The following WNT3 variants were observed in gnomAD, a reference collection of about 807,000 sequenced individuals.
The protein encoded by WNT3 is proto-oncogene Wnt-3.
Under a neutral mutation model 34.2 loss-of-function variants are expected in WNT3, and 7 were observed. The ratio of observed to expected loss-of-function variants is 0.20; its 90% CI spans 0.12 to 0.38. WNT3 has a LOEUF of 0.38. Ranked by LOEUF, WNT3 falls within the 10% of genes least tolerant of loss-of-function variation. The pLI, the probability that WNT3 is intolerant of heterozygous loss-of-function variation, is 1.00. For synonymous variants in WNT3, 212 were observed against 211.5 expected, an observed-to-expected ratio of 1.00 and a Z score of -0.02; for missense variants, 267 against 499.8, an observed-to-expected ratio of 0.53 and a Z score of 4.44.
intron 2 of WNT3, among the ~76,000 whole-genome samples, chr17:46,771,896 C>T (rs1411420577): frequency 5.5e-5 from 8 of 145,664 alleles, no homozygotes; most frequent in Non-Finnish European, 1.2e-4. Context: ...CCGCCCCTGC[C>T]CCCGCCCCCG....
intron 1 of WNT3, among the ~76,000 whole-genome samples, chr17:46,808,021 C>A (rs1009204979): frequency 6.6e-6 from 1 of 152,230 alleles, no homozygotes; most frequent in African/African-American, 2.4e-5. Flanking sequence ...TTCTGCCCAG[C>A]TGCTTTCTAG....
intron 1 of WNT3, among the ~76,000 whole-genome samples, chr17:46,809,667 T>C (rs2084245577): frequency 6.6e-6 from 1 of 152,184 alleles, no homozygotes; most frequent in Non-Finnish European, 1.5e-5. Context: ...CATCTTCCCA[T>C]GTGTCCCTGG....
chr17:46,779,103 A>ACACACACACACACCCC lies in WNT3; in HGVS notation c.81-5195_81-5194insGGGGTGTGTGTGTGTG, dbSNP rs749719578. 4.0e-4 allele frequency among the ~76,000 whole-genome samples: 54 copies of ACACACACACACACCCC among 133,658 alleles called. 1 individual carries two copies. The East Asian group carries it at 6.4e-3, about 16-fold the overall frequency. 87.7% of individuals were successfully genotyped at this position (133,658 alleles called of 152,430 possible). A position where few individuals can be genotyped will look rare whatever the true frequency, so the allele number is the denominator to read the frequency against. ...CACACACACACACACACACACACACACCCCAGCCCACTCGGCCTTCCAAAG... is the reference window on the plus strand; with the variant it reads ...CACACACACACACACACACACACACACACACACACACACCCCCCCCAGCCCACTCGGCCTTCCAAAG... On this transcript the variant is annotated intron_variant, in intron 1 of 4. Transcript: ENST00000225512.
intron 1 of WNT3, among the ~76,000 whole-genome samples, chr17:46,799,446 CTTTT>C (rs11319114): frequency 2.5e-5 from 3 of 121,558 alleles, no homozygotes; most frequent in East Asian, 2.3e-4. Flanking sequence ...ATTATTTCTA[CTTTT>C]TTTTTTTTTT....
chr17:46,767,258 C>T (rs1423838337), intron 4 of WNT3, among the ~76,000 whole-genome samples: 2 of 152,076 alleles, frequency 1.3e-5, no homozygotes, highest in African/African-American at 2.4e-5. Context: ...TTTGATCCCT[C>T]GATTACTCAT....
intron 2 of WNT3, among the ~76,000 whole-genome samples, chr17:46,771,832 G>T (rs1161898404): frequency 1.4e-5 from 2 of 143,876 alleles, no homozygotes; most frequent in Admixed American, 6.9e-5. Context: ...CGCGCGGTGG[G>T]GGGGCGGTGC....
intron 1 of WNT3, among the ~76,000 whole-genome samples, chr17:46,782,466 C>G (rs756385973): frequency 7.9e-5 from 12 of 152,110 alleles, no homozygotes; most frequent in Non-Finnish European, 1.2e-4. Context: ...GTTCCTGGGC[C>G]CAGAAGGGCT....
chr17:46,790,272 A>C (rs1033182745), intron 1 of WNT3, among the ~76,000 whole-genome samples: 3 of 152,202 alleles, frequency 2.0e-5, no homozygotes, highest in African/African-American at 7.2e-5. Context: ...ATCTGGGTTC[A>C]TTACAGACCC....
At chr17:46,812,112 G>A (rs1466789125) in intron 1 of WNT3, among the ~76,000 whole-genome samples, 1 of 152,178 alleles carries the variant, frequency 6.6e-6, no homozygotes, top group Non-Finnish European at 1.5e-5. Flanking sequence ...CCCGGGAGAT[G>A]GGATCCAGCT....
intron 1 of WNT3, among the ~76,000 whole-genome samples, chr17:46,775,078 G>A (rs2059402871): frequency 6.6e-6 from 1 of 152,220 alleles, no homozygotes; most frequent in African/African-American, 2.4e-5. Flanking sequence ...GGCAGGGTGA[G>A]GTTTTTTGTG....
At chr17:46,817,547 G>C (rs2084368563) in intron 1 of WNT3, among the ~76,000 whole-genome samples, 1 of 152,118 alleles carries the variant, frequency 6.6e-6, no homozygotes, top group Non-Finnish European at 1.5e-5. Flanking sequence ...AGCGGCGATG[G>C]GGCCGCTCGG....
chr17:46,778,425 C>T (rs929991511), intron 1 of WNT3, among the ~76,000 whole-genome samples: 12 of 152,154 alleles, frequency 7.9e-5, no homozygotes, highest in African/African-American at 2.7e-4. Context: ...AGGCCTCTGG[C>T]GATGGGGCTT....
At chr17:46,774,000 G>C in intron 1 of WNT3, 91 bp from the exon 2 acceptor site, 1 of 1,527,648 alleles carries the variant, frequency 6.5e-7, no homozygotes, top group Non-Finnish European at 8.8e-7. Context: ...CTCCGGGGTA[G>C]GTGGAGAGGC....
chr17:46,767,615 GGACCA>G (rs1254748321), intron 4 of WNT3, among the ~76,000 whole-genome samples: 1 of 152,144 alleles, frequency 6.6e-6, no homozygotes, highest in Admixed American at 6.5e-5. Flanking sequence ...GACAAAGTTA[GGACCA>G]GACGTCAGGT....
chr17:46,805,514 A>C (rs981486216), intron 1 of WNT3, among the ~76,000 whole-genome samples: 1 of 152,220 alleles, frequency 6.6e-6, no homozygotes, highest in Non-Finnish European at 1.5e-5. Context: ...TGGAGGTTGC[A>C]GTGAGCCAAG....
At position 46,763,831 on chromosome 17, in the gene WNT3, C is replaced by CAAAAAAAAAAAAAAAAAAAA. The variant is rs374185346; in HGVS notation, c.*798_*799insTTTTTTTTTTTTTTTTTTTT. 2 of 123,700 alleles carry CAAAAAAAAAAAAAAAAAAAA rather than the reference C, an allele frequency of 1.6e-5. No individual in the cohort carries two copies. The highest frequency in any genetic ancestry group is 1.6e-5 in the Non-Finnish European group (1 of 62,498). 7.7% of individuals were successfully genotyped at this position (123,700 alleles called of 1,614,324 possible). On this transcript the variant is annotated 3_prime_UTR_variant, in exon 5 of 5. Transcript: ENST00000225512. ...GCCTATTTACAAGGTCCACTACCAC[C>CAAAAAAAAAAAAAAAAAAAA]AAAAAAAAAAAAAAACAAAAAAACA... is the stretch of plus-strand genomic sequence containing the variant.
At chr17:46,767,697 TTTGATCTGGC>T (rs1444223178) in intron 4 of WNT3, among the ~76,000 whole-genome samples, 1 of 152,228 alleles carries the variant, frequency 6.6e-6, no homozygotes, top group African/African-American at 2.4e-5. Context: ...TATGCAAAAA[TTTGATCTGGC>T]TCATAACTAA....
chr17:46,808,168 G>T (rs2084221548), intron 1 of WNT3, among the ~76,000 whole-genome samples: 1 of 152,226 alleles, frequency 6.6e-6, no homozygotes, highest in South Asian at 2.1e-4. Context: ...AGGCCCGGGA[G>T]GCAGTGATTT....
intron 1 of WNT3, among the ~76,000 whole-genome samples, chr17:46,814,247 C>T (rs1402693959): frequency 6.6e-6 from 1 of 152,220 alleles, no homozygotes; most frequent in African/African-American, 2.4e-5. Context: ...GAGAGCGTCC[C>T]CTTCCCCCAT....
Sources: gnomAD v4.1 joint callset for allele counts (sites outside exome capture counted in the v4.1 genomes callset) on GRCh38, gnomAD v4.1.1 for gene constraint, MANE v1.5 for transcripts, NCBI Gene and HGNC (gene_info 2026-07-23, HGNC 2026-07-21) for gene names.